Variants in PTPN14 observed in about 807,000 individuals in gnomAD.
The protein encoded by PTPN14 is protein tyrosine phosphatase non-receptor type 14.
A neutral mutation model predicts 126.8 loss-of-function variants in PTPN14; 53 were observed. That is an observed-to-expected ratio of 0.42 (90% CI 0.34 to 0.53). The LOEUF is 0.53. Among genes scored for constraint, PTPN14 ranks in the 20% least tolerant of loss-of-function variants. The probability of loss-of-function intolerance (pLI) is 0.08; values close to 1 mark genes in which losing one functional copy is unlikely to be tolerated. For synonymous variants in PTPN14, 630 were observed against 599.3 expected (o/e 1.05, Z -0.75); for missense variants, 1,257 against 1,552.9 (o/e 0.81, Z 3.20).
chr1:214,396,010 T>C (rs1263275337), intron 8 of PTPN14, among the ~76,000 whole-genome samples: 1 of 152,098 alleles, frequency 6.6e-6, no homozygotes, highest in Non-Finnish European at 1.5e-5. Context: ...AGATCTCTGA[T>C]GAGACCAAGC....
chr1:214,425,914 C>A (rs906197631), intron 3 of PTPN14, among the ~76,000 whole-genome samples: 3 of 151,640 alleles, frequency 2.0e-5, no homozygotes, highest in Non-Finnish European at 1.5e-5. Flanking sequence ...AACGGAGGCT[C>A]CCAGGGGGTA....
chr1:214,449,704 T>G (rs528174055), intron 3 of PTPN14, among the ~76,000 whole-genome samples: 1 of 152,136 alleles, frequency 6.6e-6, no homozygotes, highest in Non-Finnish European at 1.5e-5. Context: ...CAGGGAGCAA[T>G]GGTATGCAAC....
chr1:214,547,285 A>G (rs1162590031), intron 1 of PTPN14, among the ~76,000 whole-genome samples: 3 of 152,164 alleles, frequency 2.0e-5, no homozygotes, highest in Admixed American at 1.3e-4. Context: ...CCGATTCCCC[A>G]AAGGGGTAGG....
chr1:214,397,578 G>C (rs895156899), intron 8 of PTPN14, among the ~76,000 whole-genome samples: 4 of 152,196 alleles, frequency 2.6e-5, no homozygotes, highest in Non-Finnish European at 5.9e-5. Flanking sequence ...TGGCACTCTT[G>C]TGGCACAGGT....
At chr1:214,523,403 CTA>C (rs1172127981) in intron 1 of PTPN14, among the ~76,000 whole-genome samples, 1 of 152,106 alleles carries the variant, frequency 6.6e-6, no homozygotes, top group Non-Finnish European at 1.5e-5. Context: ...TTACTGTGCT[CTA>C]TGTTTCGATA....
intron 1 of PTPN14, among the ~76,000 whole-genome samples, chr1:214,493,108 G>C (rs141469557): frequency 6.6e-6 from 1 of 152,064 alleles, no homozygotes; most frequent in Non-Finnish European, 1.5e-5. Flanking sequence ...AGACATGTTC[G>C]GAGGTCAGAA....
In PTPN14 at chr1:214,452,021, T is replaced by A. The variant is rs1204997991; in HGVS notation, c.175-47A>T. ...CATCAGTTCATGCTCACCACAAGCA[T>A]CCCAAGGCCACACAAGAAACGAGAC... On this transcript the variant is annotated intron_variant, in intron 2 of 18. Coordinates refer to ENST00000366956, the MANE Select transcript of PTPN14 (RefSeq NM_005401.5). 3 of 1,562,044 alleles carry A rather than the reference T, an allele frequency of 1.9e-6. No homozygotes were observed. In the African/African-American group the frequency reaches 4.1e-5, roughly 21 times the overall value.
intron 15 of PTPN14, among the ~76,000 whole-genome samples, chr1:214,374,861 A>C (rs963505416): frequency 5.3e-5 from 8 of 152,226 alleles, no homozygotes; most frequent in African/African-American, 1.9e-4. Context: ...GATCTGGCCA[A>C]AAGAAGAAGA....
At chr1:214,419,727 C>A (rs1368670448) in intron 3 of PTPN14, among the ~76,000 whole-genome samples, 1 of 152,048 alleles carries the variant, frequency 6.6e-6, no homozygotes, top group East Asian at 1.9e-4. Flanking sequence ...TCCTAGAGTC[C>A]TGGGGTACAG....
chr1:214,374,626 A>G (rs1263983483), intron 15 of PTPN14, among the ~76,000 whole-genome samples: 1 of 152,230 alleles, frequency 6.6e-6, no homozygotes, highest in Non-Finnish European at 1.5e-5. Flanking sequence ...CCAGGGGGGA[A>G]AACACTGGCA....
chr1:214,520,044 T>C (rs1306980357), intron 1 of PTPN14, among the ~76,000 whole-genome samples: 10 of 45,396 alleles, frequency 2.2e-4, no homozygotes, highest in Admixed American at 1.4e-3. Context: ...AAAAACCCTG[T>C]CTCAAAAAAA....
chr1:214,448,855 C>T (rs1660207198), intron 3 of PTPN14, among the ~76,000 whole-genome samples: 1 of 152,124 alleles, frequency 6.6e-6, no homozygotes, highest in South Asian at 2.1e-4. Context: ...TGTATTCCTA[C>T]ATTGAGCCAA....
intron 1 of PTPN14, among the ~76,000 whole-genome samples, chr1:214,489,808 T>C (rs184281152): frequency 1.3e-5 from 2 of 152,332 alleles, no homozygotes; most frequent in East Asian, 3.9e-4. Flanking sequence ...TATTCTAGGA[T>C]GGTCTCTCTG....
chr1:214,486,289 G>A (rs1194638238), intron 1 of PTPN14, among the ~76,000 whole-genome samples: 1 of 152,130 alleles, frequency 6.6e-6, no homozygotes, highest in Admixed American at 6.5e-5. Context: ...ATTATCCTCA[G>A]TCTACAGAAC....
intron 7 of PTPN14, among the ~76,000 whole-genome samples, chr1:214,399,852 A>G (rs1421205192): frequency 6.6e-6 from 1 of 152,088 alleles, no homozygotes; most frequent in Non-Finnish European, 1.5e-5. Flanking sequence ...TAACCTGTCT[A>G]TTAGGTTGTA....
chr1:214,409,250 T>A (rs1659241053), intron 5 of PTPN14, among the ~76,000 whole-genome samples: 1 of 152,246 alleles, frequency 6.6e-6, no homozygotes, highest in South Asian at 2.1e-4. Flanking sequence ...AGCACTCAGC[T>A]TTGGTAACCA....
At chr1:214,436,089 T>C (rs1358021833) in intron 3 of PTPN14, among the ~76,000 whole-genome samples, 1 of 152,188 alleles carries the variant, frequency 6.6e-6, no homozygotes, top group African/African-American at 2.4e-5. Flanking sequence ...TCATGTCCTC[T>C]GCAGCAACAT....
chr1:214,364,575 C>A lies in PTPN14; in HGVS notation c.3372G>T (p.Gly1124=). Residue 1124 remains glycine, a synonymous_variant, in exon 18 of 19, where the codon GGG becomes GGT. Coordinates refer to ENST00000366956, the MANE Select transcript of PTPN14 (RefSeq NM_005401.5). This position sits in a 1 kb window ranked among gnomAD's most constrained non-coding sequence, Gnocchi z 4.1. ...HPPIVVHCSA[G]VGRTGVLILS... ...GAATGAGCACGCCGGTCCTTCCCAC[C>A]CCAGCACTACAGTGGACCACGATGG... is the stretch of plus-strand genomic sequence containing the variant. 1 of 1,614,054 alleles carries A rather than the reference C, an allele frequency of 6.2e-7. No homozygotes were observed.
chr1:214,509,201 G>A (rs1025992856), intron 1 of PTPN14, among the ~76,000 whole-genome samples: 1 of 152,188 alleles, frequency 6.6e-6, no homozygotes, highest in African/African-American at 2.4e-5. Flanking sequence ...TCTAGAAAAG[G>A]CTGTTTCATC....
Sources: allele counts gnomAD v4.1 joint callset (sites outside exome capture counted in the v4.1 genomes callset), GRCh38; gene constraint gnomAD v4.1.1; non-coding constraint Gnocchi (gnomAD v3.1); transcripts MANE v1.5; gene names NCBI Gene and HGNC (gene_info 2026-07-23, HGNC 2026-07-21).